The following ZNF730 variants were observed in gnomAD, a reference collection of about 807,000 sequenced individuals.
The protein encoded by ZNF730 is putative zinc finger protein 730.
A neutral mutation model predicts 12.6 loss-of-function variants in ZNF730; 12 were observed. The ratio of observed to expected loss-of-function variants is 0.95; its 90% CI spans 0.61 to 1.54. ZNF730 has a LOEUF of 1.54. ZNF730 is among the 40% of genes most tolerant of loss of function. The probability of loss-of-function intolerance (pLI) is 0.00; values close to 1 mark genes in which losing one functional copy is unlikely to be tolerated. For synonymous variants in ZNF730, 194 were observed against 195.8 expected, an observed-to-expected ratio of 0.99 and a Z score of 0.08; for missense variants, 643 against 583.5, an observed-to-expected ratio of 1.10 and a Z score of -1.05.
chr19:23,095,182 A>C (rs1359095826), intron 1 of ZNF730: 5 of 390,810 alleles, frequency 1.3e-5, no homozygotes, highest in Non-Finnish European at 2.3e-5. Context: ...CTGCCTTGAC[A>C]CTGCCCACAG....
chr19:23,143,265 A>G (rs934438003), intron 3 of ZNF730, among the ~76,000 whole-genome samples: 4 of 152,172 alleles, frequency 2.6e-5, no homozygotes, highest in African/African-American at 7.2e-5. Context: ...AAAAAAAACA[A>G]TATATTTTTG....
intron 1 of ZNF730, among the ~76,000 whole-genome samples, chr19:23,099,758 C>T (rs979689932): frequency 6.6e-6 from 1 of 152,172 alleles, no homozygotes; most frequent in Non-Finnish European, 1.5e-5. Context: ...TTTTTAATGT[C>T]ACCAAAAGAC....
chr19:23,114,305 C>CTTTCTT (rs1970490241), upstream of ZNF730, among the ~76,000 whole-genome samples: 7 of 103,506 alleles, frequency 6.8e-5, 1 homozygote, highest in Non-Finnish European at 1.2e-4. Flanking sequence ...TTTTTCTTTT[C>CTTTCTT]TTTTTTTTTT....
intron 2 of ZNF730, 58 bp from the exon 3 acceptor site, chr19:23,135,890 T>C: frequency 6.9e-7 from 1 of 1,444,560 alleles, no homozygotes; most frequent in Non-Finnish European, 9.6e-7. Context: ...ACTGAGAGCA[T>C]TACTAAGTTG....
At chr19:23,087,608 T>C (rs1970085589) in intron 1 of ZNF730, among the ~76,000 whole-genome samples, 1 of 151,400 alleles carries the variant, frequency 6.6e-6, no homozygotes, top group Non-Finnish European at 1.5e-5. Flanking sequence ...ATTTTTCTTG[T>C]CTTTTCTTGC....
At chr19:23,076,095 C>G (rs1568296694) in intron 1 of ZNF730, among the ~76,000 whole-genome samples, 1 of 152,062 alleles carries the variant, frequency 6.6e-6, no homozygotes, top group Non-Finnish European at 1.5e-5. Context: ...CTCAGGCTTG[C>G]AGTAAAATTA....
At chr19:23,139,766 C>T (rs988408887) in intron 3 of ZNF730, among the ~76,000 whole-genome samples, 1 of 152,078 alleles carries the variant, frequency 6.6e-6, no homozygotes, top group Non-Finnish European at 1.5e-5. Flanking sequence ...CTCAGGTGCT[C>T]CACACACCTC....
At position 23,087,423 on chromosome 19, in the gene ZNF730, A is replaced by G. The variant is rs1366005053; in HGVS notation, c.-94+12036A>G. Among the ~76,000 whole-genome samples the G allele has an allele frequency of 2.6e-5, 4 of 152,192 alleles. No homozygotes were observed. The East Asian group carries it at 5.8e-4, about 22-fold the overall frequency. Reference sequence around the variant, plus strand: ...ATTCCGTCTCAAAGAAAAAAAAGAAAAAAAGAAATGCTAGTAATTTTTGCA... The same window carrying G: ...ATTCCGTCTCAAAGAAAAAAAAGAAGAAAAGAAATGCTAGTAATTTTTGCA... On this transcript the variant is annotated intron_variant, in intron 1 of 2. Coordinates refer to the ZNF730 transcript ENST00000593635.
rs747132379 is a variant in ZNF730, at chr19:23,117,103, G to A, written c.-71G>A. 7.0e-5 allele frequency: 112 copies of A among 1,610,736 alleles called. No homozygotes were observed. Among genetic ancestry groups the A allele is most frequent in the Non-Finnish European group, 9.3e-5 (110 of 1,177,532 alleles). ...TCCTCTGCACGTAGAAGCCCAGCCTGTGTGGCCCTGCGACCTGCGGGTATT... is the reference window on the plus strand; with the variant it reads ...TCCTCTGCACGTAGAAGCCCAGCCTATGTGGCCCTGCGACCTGCGGGTATT... On this transcript the variant is annotated 5_prime_UTR_variant, in exon 1 of 4. In the 5' UTR this introduces an upstream ATG that the reference lacks. Transcript: ENST00000597761.
chr19:23,138,723 A>G (rs1291440566), intron 3 of ZNF730, among the ~76,000 whole-genome samples: 1 of 152,208 alleles, frequency 6.6e-6, no homozygotes, highest in Non-Finnish European at 1.5e-5. Context: ...CCTGAATCTC[A>G]GAGCTCTCTT....
At position 23,117,214 on chromosome 19, in the gene ZNF730, G is replaced by T. The variant is rs753711568; in HGVS notation, c.3+38G>T. ...GTCCGACATCCCGAGAGAGGGAACG[G>T]GGCTGGTTGGAACCGGTGGGAAGCG... On this transcript the variant is annotated intron_variant, in intron 1 of 3. Transcript: ENST00000597761. The T allele has an allele frequency of 3.1e-6, 5 of 1,613,688 alleles. No homozygotes were observed. In the South Asian group the frequency reaches 5.5e-5, roughly 18 times the overall value.
chr19:23,092,881 C>T (rs1040906773), intron 1 of ZNF730, among the ~76,000 whole-genome samples: 1 of 152,082 alleles, frequency 6.6e-6, no homozygotes, highest in African/African-American at 2.4e-5. Context: ...AAGATACTTA[C>T]CTGAAGCTTT....
Position 23,145,913 on chromosome 19 carries a change from G to C in ZNF730, c.869G>C (p.Gly290Ala). Residue 290 changes from glycine to alanine, a missense_variant, in exon 4 of 4, where the codon GGC (glycine) becomes GCC (alanine). Transcript: ENST00000597761. ...GEKPYKCEEC[G>A]KAFNQSSNLT... ...AAACCCTATAAATGTGAAGAATGTG[G>C]CAAAGCCTTTAACCAGTCCTCAAAC... The C allele has an allele frequency of 6.2e-7, 1 of 1,610,838 alleles. No homozygotes were observed. Among genetic ancestry groups the C allele is most frequent in the Non-Finnish European group, 8.5e-7 (1 of 1,179,422 alleles).
chr19:23,141,114 G>T lies in ZNF730; in HGVS notation c.227-4157G>T, dbSNP rs551858987. On this transcript the variant is annotated intron_variant, in intron 3 of 3. Coordinates refer to ENST00000597761, the MANE Select transcript of ZNF730 (RefSeq NM_001277403.2). Reference sequence around the variant, plus strand: ...CCCATCTTTCCAAAAAAAAATTTAGGCTAGATGTGGTGGCTCACGCCTGTA... The same window carrying T: ...CCCATCTTTCCAAAAAAAAATTTAGTCTAGATGTGGTGGCTCACGCCTGTA... 1.9e-4 allele frequency among the ~76,000 whole-genome samples: 29 copies of T among 152,094 alleles called. No individual in the cohort carries two copies. The Middle Eastern group carries it at 0.014, about 71-fold the overall frequency.
chr19:23,106,183 A>G (rs914178959), intron 1 of ZNF730, among the ~76,000 whole-genome samples: 1 of 152,018 alleles, frequency 6.6e-6, no homozygotes, highest in African/African-American at 2.4e-5. Flanking sequence ...GGAGAAATAG[A>G]AGGAGGAGGA....
At chr19:23,135,826 T>C in intron 2 of ZNF730, 122 bp from the exon 3 acceptor site, 1 of 980,926 alleles carries the variant, frequency 1.0e-6, no homozygotes. Context: ...AGAAAATTTT[T>C]ATAAATTATT....
intron 1 of ZNF730, among the ~76,000 whole-genome samples, chr19:23,108,307 G>A (rs546550394): frequency 1.3e-5 from 2 of 152,118 alleles, no homozygotes; most frequent in South Asian, 2.1e-4. Context: ...TTGTGTTTAG[G>A]GGATTTTTAA....
At chr19:23,141,414 T>A (rs187462375) in intron 3 of ZNF730, among the ~76,000 whole-genome samples, 2 of 151,878 alleles carry the variant, frequency 1.3e-5, no homozygotes, top group Non-Finnish European at 2.9e-5. Context: ...AAAACAATTT[T>A]AAAATAAACA....
intron 1 of ZNF730, among the ~76,000 whole-genome samples, chr19:23,129,039 G>A (rs1027080565): frequency 9.9e-5 from 15 of 152,166 alleles, no homozygotes; most frequent in South Asian, 6.2e-4. Context: ...GTGGGTTCAC[G>A]GAAGTCAAGA....
Sources: gnomAD v4.1 joint callset for allele counts (sites outside exome capture counted in the v4.1 genomes callset) on GRCh38, gnomAD v4.1.1 for gene constraint, MANE v1.5 for transcripts, NCBI Gene and HGNC (gene_info 2026-07-23, HGNC 2026-07-21) for gene names.